Variants in ENOX2 observed in about 807,000 individuals in gnomAD.
ENOX2 encodes the protein APK1 antigen.
ENOX2 carries 36 observed loss-of-function variants against 45.0 expected under a neutral mutation model. The ratio of observed to expected loss-of-function variants is 0.80; its 90% CI spans 0.61 to 1.06. The LOEUF is 1.06. ENOX2 is among the 50% of genes least tolerant of loss of function. The pLI is 0.00. For synonymous variants in ENOX2, 174 were observed against 152.3 expected (o/e 1.14, Z -1.05); for missense variants, 423 against 462.5 (o/e 0.91, Z 0.78).
intron 2 of ENOX2, among the ~76,000 whole-genome samples, chrX:130,808,381 CAACA>C (rs2148443057): frequency 9.0e-6 from 1 of 111,337 alleles, no homozygotes; most frequent in East Asian, 2.8e-4. Flanking sequence ...AGAGCTAAGA[CAACA>C]AAAACTAAGA....
At chrX:130,785,241 C>T (rs2076951345) in intron 2 of ENOX2, among the ~76,000 whole-genome samples, 1 of 107,341 alleles carries the variant, frequency 9.3e-6, no homozygotes, top group Non-Finnish European at 1.9e-5. Context: ...AGGAGAATCG[C>T]TTGCACCCGG....
intron 3 of ENOX2, among the ~76,000 whole-genome samples, chrX:130,758,033 T>C (rs1166098663): frequency 1.8e-5 from 2 of 112,420 alleles, no homozygotes; most frequent in African/African-American, 6.5e-5. Flanking sequence ...TTATGAGAAG[T>C]AAAGCAGTCC....
At chrX:130,661,736 C>T (rs370640236) in intron 9 of ENOX2, among the ~76,000 whole-genome samples, 8 of 112,321 alleles carry the variant, frequency 7.1e-5, no homozygotes, top group African/African-American at 1.3e-4. Context: ...GGCCAACAGC[C>T]GGTGTTAGTG....
intron 2 of ENOX2, among the ~76,000 whole-genome samples, chrX:130,850,641 C>T (rs1179305323): frequency 2.7e-5 from 3 of 112,228 alleles, no homozygotes; most frequent in Admixed American, 9.4e-5. Context: ...TCTACTCAAC[C>T]ATATGAAATA....
intron 3 of ENOX2, among the ~76,000 whole-genome samples, chrX:130,781,436 T>C (rs2039965813): frequency 8.9e-6 from 1 of 112,471 alleles, no homozygotes; most frequent in Admixed American, 9.4e-5. Flanking sequence ...AAATCCTATA[T>C]GTGCAAGTTA....
At chrX:130,746,627 A>T (rs1238236481) in intron 3 of ENOX2, among the ~76,000 whole-genome samples, 1 of 111,816 alleles carries the variant, frequency 8.9e-6, no homozygotes, top group Non-Finnish European at 1.9e-5. Context: ...AGAATTTCCC[A>T]CTGCCAAAAC....
At chrX:130,675,551 G>A (rs2037125068) in intron 6 of ENOX2, among the ~76,000 whole-genome samples, 1 of 112,261 alleles carries the variant, frequency 8.9e-6, no homozygotes, top group Non-Finnish European at 1.9e-5. Flanking sequence ...GAACAGACCT[G>A]CTCTACAAAA....
Position 130,667,348 on chromosome X carries a change from C to T in ENOX2, c.907+182G>A, listed in dbSNP as rs773627136. ...AGAGAAAATGAAGCTAGCAGGTGCG[C>T]ACATGTCTCCTGTGAAATTGGAGCT... On this transcript the variant is annotated intron_variant, in intron 8 of 14. Transcript: ENST00000394363. 2.7e-5 allele frequency among the ~76,000 whole-genome samples: 3 copies of T among 111,610 alleles called. No individual in the cohort carries two copies. In the South Asian group the frequency reaches 1.1e-3, roughly 42 times the overall value.
At chrX:130,753,896 T>C (rs773314429) in intron 3 of ENOX2, among the ~76,000 whole-genome samples, 4 of 111,150 alleles carry the variant, frequency 3.6e-5, no homozygotes, top group Non-Finnish European at 3.8e-5. Flanking sequence ...TGCTGGATCA[T>C]ATGGAAAGGG....
chrX:130,870,129 A>C (rs1191921850), intron 2 of ENOX2, among the ~76,000 whole-genome samples: 2 of 111,195 alleles, frequency 1.8e-5, no homozygotes, highest in African/African-American at 6.5e-5. Context: ...CACATGTTGG[A>C]AGTGATGGGG....
chrX:130,782,860 AT>A (rs1246937577), intron 3 of ENOX2, among the ~76,000 whole-genome samples: 1 of 110,961 alleles, frequency 9.0e-6, no homozygotes, highest in Non-Finnish European at 1.9e-5. Context: ...AAAAAGAAAC[AT>A]TAAGATGAGA....
rs760016994 is a variant in ENOX2, at chrX:130,881,302, C to T, written c.-183+20382G>A. 1.2e-4 allele frequency among the ~76,000 whole-genome samples: 14 copies of T among 112,230 alleles called. No individual in the cohort carries two copies. In the South Asian group the frequency reaches 2.9e-3, roughly 24 times the overall value. Reference sequence around the variant, plus strand: ...TCAGGAAACTAAGACTTTCAGTGTTCGAACAAAATATTCAAACCATTTTCA... The same window carrying T: ...TCAGGAAACTAAGACTTTCAGTGTTTGAACAAAATATTCAAACCATTTTCA... On this transcript the variant is annotated intron_variant, in intron 2 of 14. Coordinates refer to ENST00000394363, the MANE Select transcript of ENOX2 (RefSeq NM_006375.4).
chrX:130,873,807 C>T (rs918005541), intron 2 of ENOX2, among the ~76,000 whole-genome samples: 5 of 109,520 alleles, frequency 4.6e-5, no homozygotes, highest in African/African-American at 1.7e-4. Context: ...GAAAACCAAA[C>T]ACGACATGTT....
intron 3 of ENOX2, among the ~76,000 whole-genome samples, chrX:130,728,771 C>T (rs1321007710): frequency 1.8e-5 from 2 of 111,371 alleles, no homozygotes; most frequent in African/African-American, 3.3e-5. Flanking sequence ...TACCTACATT[C>T]GTAGGTAGGG....
At chrX:130,821,458 G>A (rs1285379512) in intron 2 of ENOX2, among the ~76,000 whole-genome samples, 3 of 82,218 alleles carry the variant, frequency 3.6e-5, no homozygotes, top group Admixed American at 1.5e-4. Flanking sequence ...ACCAAACACC[G>A]CATATTCTCA....
intron 3 of ENOX2, among the ~76,000 whole-genome samples, chrX:130,712,174 T>C (rs1020492249): frequency 2.7e-5 from 3 of 112,067 alleles, no homozygotes; most frequent in African/African-American, 9.7e-5. Flanking sequence ...GATAATGATG[T>C]TGATTCCTAA....
At chrX:130,665,525 G>A in intron 9 of ENOX2, 118 bp downstream of exon 9, 1 of 508,253 alleles carries the variant, frequency 2.0e-6, no homozygotes. Context: ...TTTCATTAGG[G>A]CCTTATTGTG....
At chrX:130,633,104 G>C (rs2035826403) in intron 12 of ENOX2, among the ~76,000 whole-genome samples, 1 of 111,757 alleles carries the variant, frequency 8.9e-6, no homozygotes, top group Non-Finnish European at 1.9e-5. Context: ...TACATTGAAA[G>C]GATGCTTATC....
At chrX:130,902,592 T>C (rs185614558) in intron 1 of ENOX2, among the ~76,000 whole-genome samples, 1 of 103,456 alleles carries the variant, frequency 9.7e-6, no homozygotes, top group African/African-American at 3.6e-5. Flanking sequence ...CCAAAGAAAA[T>C]GGGGAGTGTA....
Sources: gnomAD v4.1 joint callset for allele counts (sites outside exome capture counted in the v4.1 genomes callset) on GRCh38, gnomAD v4.1.1 for gene constraint, MANE v1.5 for transcripts, NCBI Gene and HGNC (gene_info 2026-07-23, HGNC 2026-07-21) for gene names.